The following JAKMIP1 variants were observed in gnomAD, a reference collection of about 807,000 sequenced individuals.
JAKMIP1 encodes janus kinase and microtubule-interacting protein 1.
In JAKMIP1, 33 loss-of-function variants were observed where a neutral mutation model predicts 113.0. The observed-to-expected ratio is 0.29, with a 90% CI of 0.22 to 0.39. JAKMIP1 has a LOEUF of 0.39. JAKMIP1 is among the 10% of genes least tolerant of loss of function. The pLI, the probability that JAKMIP1 is intolerant of heterozygous loss-of-function variation, is 1.00. For missense variants in JAKMIP1, 813 were observed against 1,080.5 expected (o/e 0.75, Z 3.47); for synonymous variants, 480 against 459.9 (o/e 1.04, Z -0.56).
chr4:6,056,786 C>T (rs1454488920), intron 11 of JAKMIP1, 27 bp from the exon 12 acceptor site: 2 of 1,520,366 alleles, frequency 1.3e-6, no homozygotes, highest in Admixed American at 1.7e-5. Context: ...AATATGGTCA[C>T]ATTCATGGAA....
At chr4:6,107,025 A>G (rs1294335249) in intron 2 of JAKMIP1, among the ~76,000 whole-genome samples, 1 of 152,194 alleles carries the variant, frequency 6.6e-6, no homozygotes, top group African/African-American at 2.4e-5. Flanking sequence ...GCAGGTAAAA[A>G]AGCAAATAAA....
rs1718710853 is a variant in JAKMIP1 at position 6,069,869 on chromosome 4, A to G, written c.1303-4861T>C. Among the ~76,000 whole-genome samples, 1 of 152,164 alleles carries G rather than the reference A, an allele frequency of 6.6e-6. No individual in the cohort carries two copies. The highest frequency in any genetic ancestry group is 6.5e-5 in the Admixed American group (1 of 15,278). On this transcript the variant is annotated intron_variant, in intron 8 of 20. Coordinates refer to ENST00000409021, the MANE Select transcript of JAKMIP1 (RefSeq NM_001099433.2). This position sits in a 1 kb window ranked among gnomAD's most constrained non-coding sequence, Gnocchi z 4.5. The stretch of plus-strand genomic sequence containing the variant: ...TTCCTCAGCGGGTCAGATGAAGCAG[A>G]GGGAAAAAGAGGAGGTACCCCCAAA...
chr4:6,101,003 G>A (rs977268295), intron 3 of JAKMIP1, among the ~76,000 whole-genome samples: 2 of 152,022 alleles, frequency 1.3e-5, no homozygotes, highest in African/African-American at 4.8e-5. Context: ...AATTTGCCTT[G>A]TCTCTCTTTT....
chr4:6,126,500 TCATA>T (rs1717664568), intron 1 of JAKMIP1, among the ~76,000 whole-genome samples: 1 of 111,294 alleles, frequency 9.0e-6, no homozygotes, highest in Non-Finnish European at 1.8e-5. Context: ...CAAACACGCA[TCATA>T]CAGAAACACA....
At chr4:6,079,289 T>A (rs1458357930) in intron 7 of JAKMIP1, among the ~76,000 whole-genome samples, 1 of 152,088 alleles carries the variant, frequency 6.6e-6, no homozygotes, top group Non-Finnish European at 1.5e-5. Context: ...TATGCATAGA[T>A]AAGTGGATGG....
intron 1 of JAKMIP1, among the ~76,000 whole-genome samples, chr4:6,165,511 G>T (rs1048638158): frequency 6.6e-6 from 1 of 152,196 alleles, no homozygotes; most frequent in African/African-American, 2.4e-5. Context: ...CACTATGTTG[G>T]TCAAGCTCTT....
intron 1 of JAKMIP1, among the ~76,000 whole-genome samples, chr4:6,190,802 A>G (rs1410705568): frequency 1.3e-5 from 2 of 152,244 alleles, no homozygotes; most frequent in East Asian, 3.8e-4. Flanking sequence ...CAGAGCTCCC[A>G]GGGTGATGTG....
intron 1 of JAKMIP1, among the ~76,000 whole-genome samples, chr4:6,173,504 T>A (rs1278457801): frequency 6.6e-6 from 1 of 152,232 alleles, no homozygotes; most frequent in Non-Finnish European, 1.5e-5. Context: ...GACTGACAGA[T>A]GGATACAGCC....
intron 18 of JAKMIP1, among the ~76,000 whole-genome samples, chr4:6,036,476 C>G (rs1254583440): frequency 6.6e-6 from 1 of 152,188 alleles, no homozygotes; most frequent in Non-Finnish European, 1.5e-5. Flanking sequence ...ACCCTGGAAA[C>G]AAATCTCCCC....
At chr4:6,169,961 T>TCACCACCACCAC (rs1244148166) in intron 1 of JAKMIP1, among the ~76,000 whole-genome samples, 1 of 146,046 alleles carries the variant, frequency 6.8e-6, no homozygotes, top group Admixed American at 6.8e-5. Flanking sequence ...ATCACTCTCA[T>TCACCACCACCAC]CACCACCACC....
intron 3 of JAKMIP1, among the ~76,000 whole-genome samples, chr4:6,100,943 CA>C (rs1712912886): frequency 6.6e-6 from 1 of 152,154 alleles, no homozygotes; most frequent in Non-Finnish European, 1.5e-5. Context: ...ATAATCTGCA[CA>C]AAAGTTCTTT....
chr4:6,161,362 C>T (rs1722935863), intron 1 of JAKMIP1, among the ~76,000 whole-genome samples: 1 of 152,270 alleles, frequency 6.6e-6, no homozygotes, highest in East Asian at 1.9e-4. Flanking sequence ...ACTGAGCCCA[C>T]TTTTTGTGGT....
rs189606300 is a variant in JAKMIP1, at chr4:6,133,047, C to A, written c.-147-20050G>T. Among the ~76,000 whole-genome samples, 873 of 152,118 alleles carry A rather than the reference C, an allele frequency of 5.7e-3. 6 individuals are homozygous for A. Among genetic ancestry groups the A allele is most frequent in the South Asian group, 0.035 (167 of 4,822 alleles). Reference sequence around the variant, plus strand: ...TTATTTTTTTTAATTAAAAAAAGATCTTTGTAATAAATTCAATCAGATAAA... The same window carrying A: ...TTATTTTTTTTAATTAAAAAAAGATATTTGTAATAAATTCAATCAGATAAA... On this transcript the variant is annotated intron_variant, in intron 1 of 20. Coordinates refer to ENST00000409021, the MANE Select transcript of JAKMIP1 (RefSeq NM_001099433.2).
At position 6,135,555 on chromosome 4, in the gene JAKMIP1, T is replaced by C. The variant is rs1176709322; in HGVS notation, c.-147-22558A>G. Among the ~76,000 whole-genome samples the C allele has an allele frequency of 6.6e-6, 1 of 152,064 alleles. No homozygotes were observed. Among genetic ancestry groups the C allele is most frequent in the Admixed American group, 6.5e-5 (1 of 15,276 alleles). Reference sequence around the variant, plus strand: ...CCCGACCCCACTCCACGGACGGGGATTTCCCAGGTCCAGCCTGGCCTAGCC... The same window carrying C: ...CCCGACCCCACTCCACGGACGGGGACTTCCCAGGTCCAGCCTGGCCTAGCC... On this transcript the variant is annotated intron_variant, in intron 1 of 20. Transcript: ENST00000409021. The surrounding 1 kb of genome is among the most constrained non-coding windows in gnomAD (Gnocchi z 4.9).
rs1054076030 is a variant in JAKMIP1 at position 6,150,560 on chromosome 4, C to T, written c.-147-37563G>A. 22 of 152,198 alleles carry T rather than the reference C, an allele frequency of 1.4e-4. No homozygotes were observed. Among genetic ancestry groups the T allele is most frequent in the Non-Finnish European group, 1.2e-4 (8 of 68,088 alleles). The allele number at this position is 152,198 out of a possible 1,614,324, so 9.4% of individuals were successfully genotyped here. A position where few individuals can be genotyped will look rare whatever the true frequency, so the allele number is the denominator to read the frequency against. ...GACACCCGCTTCTTAATCCCTGCCT[C>T]GGAGGCAGCTCCCACGGCGCTCAAC... On this transcript the variant is annotated intron_variant, in intron 1 of 20. Transcript: ENST00000409021. The surrounding 1 kb of genome is among the most constrained non-coding windows in gnomAD (Gnocchi z 4.8).
At chr4:6,078,875 C>T in intron 8 of JAKMIP1, 64 bp downstream of exon 8, 2 of 1,524,816 alleles carry the variant, frequency 1.3e-6, no homozygotes, top group South Asian at 2.2e-5. Flanking sequence ...ACTCCACGAC[C>T]CATCTGCCCT....
chr4:6,182,182 G>A (rs1217810360), intron 1 of JAKMIP1, among the ~76,000 whole-genome samples: 1 of 152,038 alleles, frequency 6.6e-6, no homozygotes. Context: ...GGAGGCCGGG[G>A]AAGGTGGATT....
In JAKMIP1 at chr4:6,139,129, C is replaced by T. The variant is rs1486266834; in HGVS notation, c.-147-26132G>A. On this transcript the variant is annotated intron_variant, in intron 1 of 20. Coordinates refer to ENST00000409021, the MANE Select transcript of JAKMIP1 (RefSeq NM_001099433.2). This position sits in a 1 kb window ranked among gnomAD's most constrained non-coding sequence, Gnocchi z 5.2. ...ACCAGCAGGTCAGCCCTGCTCTCCT[C>T]TGGACTCCTCTTATGCCTGAGCCCC... Among the ~76,000 whole-genome samples, 8 of 151,998 alleles carry T rather than the reference C, an allele frequency of 5.3e-5. No individual in the cohort carries two copies. Among genetic ancestry groups the T allele is most frequent in the Non-Finnish European group, 1.2e-4 (8 of 68,016 alleles).
rs759396652 is a variant in JAKMIP1 at position 6,197,108 on chromosome 4, G to A, written c.-148+3145C>T. ...AGATGAGATAACCCGAGGCAGAAGC[G>A]GGAGGTTAAGTGCTGATATTTCCTT... On this transcript the variant is annotated intron_variant, in intron 1 of 20. Transcript: ENST00000409021. The surrounding 1 kb of genome is among the most constrained non-coding windows in gnomAD (Gnocchi z 6.5). 2.6e-5 allele frequency among the ~76,000 whole-genome samples: 4 copies of A among 152,140 alleles called. No homozygotes were observed. Among genetic ancestry groups the A allele is most frequent in the African/African-American group, 9.7e-5 (4 of 41,416 alleles).
Sources: gnomAD v4.1 joint callset for allele counts (sites outside exome capture counted in the v4.1 genomes callset) on GRCh38, gnomAD v4.1.1 for gene constraint, Gnocchi (gnomAD v3.1) non-coding constraint, MANE v1.5 for transcripts, NCBI Gene and HGNC (gene_info 2026-07-23, HGNC 2026-07-21) for gene names.